BMERB1: variants seen among roughly 807,000 people sequenced by gnomAD.
BMERB1 encodes bMERB domain containing 1.
A neutral mutation model predicts 23.6 loss-of-function variants in BMERB1; 12 were observed. The ratio of observed to expected loss-of-function variants is 0.51; its 90% CI spans 0.33 to 0.82. The LOEUF is 0.82. BMERB1 is among the 40% of genes least tolerant of loss of function. The pLI is 0.03. For missense variants in BMERB1, 247 were observed against 255.4 expected (o/e 0.97, Z 0.22); for synonymous variants, 122 against 96.6 (o/e 1.26, Z -1.54).
At chr16:15,510,662 C>G (rs754659302) in intron 1 of BMERB1, among the ~76,000 whole-genome samples, 18 of 151,976 alleles carry the variant, frequency 1.2e-4, no homozygotes, top group African/African-American at 4.4e-4. Context: ...GGCTGGTCTT[C>G]TAGCTTGGTA....
chr16:15,487,517 A>T (rs2051378464), intron 1 of BMERB1, among the ~76,000 whole-genome samples: 1 of 152,158 alleles, frequency 6.6e-6, no homozygotes, highest in South Asian at 2.1e-4. Context: ...CCAAGAGAGG[A>T]TTCTTAGATA....
intron 1 of BMERB1, among the ~76,000 whole-genome samples, chr16:15,475,580 A>G (rs1295253736): frequency 6.6e-6 from 1 of 151,964 alleles, no homozygotes; most frequent in African/African-American, 2.4e-5. Context: ...TGTCCTGGCA[A>G]TAACATGTGA....
intron 2 of BMERB1, among the ~76,000 whole-genome samples, chr16:15,531,410 G>T (rs1054775904): frequency 6.6e-6 from 1 of 152,104 alleles, no homozygotes; most frequent in African/African-American, 2.4e-5. Flanking sequence ...CCCTTTTGCC[G>T]TGTAAGGTAA....
chr16:15,484,814 C>G (rs953768189), intron 1 of BMERB1, among the ~76,000 whole-genome samples: 3 of 152,206 alleles, frequency 2.0e-5, no homozygotes, highest in African/African-American at 7.2e-5. Context: ...GCAACCATCA[C>G]CTCTAGATGC....
chr16:15,517,882 G>A (rs1019796512), intron 2 of BMERB1, among the ~76,000 whole-genome samples: 1 of 127,884 alleles, frequency 7.8e-6, no homozygotes, highest in African/African-American at 4.6e-5. Context: ...TGGGTGTGTG[G>A]ATGTGTGTGT....
chr16:15,565,069 A>G (rs952598661), intron 2 of BMERB1, among the ~76,000 whole-genome samples: 7 of 151,130 alleles, frequency 4.6e-5, no homozygotes, highest in Non-Finnish European at 8.8e-5. Context: ...AAAAAAAAGC[A>G]CTCAGCCACA....
At position 15,586,778 on chromosome 16, in the gene BMERB1, G is replaced by A; in HGVS notation, c.564G>A (p.Gly188=). ...PPSKPTVAKT[G]LALIKDCCGA... is the part of the protein sequence containing the mutation. ...GCAAGCCCACGGTGGCCAAGACGGG[G>A]CTGGCACTGATCAAGGATTGTTGCG... Residue 188 remains glycine, a synonymous_variant, in exon 6 of 6, where the codon GGG becomes GGA. Transcript: ENST00000300006. The A allele has an allele frequency of 6.2e-7, 1 of 1,612,702 alleles. No individual in the cohort carries two copies. Among genetic ancestry groups the A allele is most frequent in the South Asian group, 1.1e-5 (1 of 90,564 alleles).
At chr16:15,515,057 G>A (rs549937473) in intron 1 of BMERB1, among the ~76,000 whole-genome samples, 16 of 152,336 alleles carry the variant, frequency 1.1e-4, no homozygotes, top group Non-Finnish European at 1.9e-4. Flanking sequence ...ACTCCAGCCT[G>A]GGCGACAGAG....
In BMERB1 at chr16:15,568,067, G is replaced by A. The variant is rs778810754; in HGVS notation, c.304+11G>A. ...TGGTCGCCATCCCAGGTAACCATTT[G>A]CAACTTCACCTTGTGCTAAACAGGT... is the stretch of plus-strand genomic sequence containing the variant. On this transcript the variant is annotated intron_variant, in intron 3 of 5. Transcript: ENST00000300006. The A allele has an allele frequency of 1.2e-5, 20 of 1,613,506 alleles. No homozygotes were observed. The Admixed American group carries it at 3.2e-4, about 26-fold the overall frequency.
intron 3 of BMERB1, among the ~76,000 whole-genome samples, chr16:15,570,733 C>T (rs1341731418): frequency 6.6e-6 from 1 of 150,890 alleles, no homozygotes; most frequent in African/African-American, 2.5e-5. Context: ...ATTGATTGTA[C>T]TTATAGCTAT....
Position 15,532,548 on chromosome 16 carries a change from T to C in BMERB1, c.230+17120T>C, listed in dbSNP as rs539676800. Among the ~76,000 whole-genome samples the C allele has an allele frequency of 1.2e-4, 16 of 134,912 alleles. No individual in the cohort carries two copies. In the South Asian group the frequency reaches 2.2e-3, roughly 19 times the overall value. The allele number at this position is 134,912 out of a possible 152,430, so 88.5% of individuals were successfully genotyped here. A position where few individuals can be genotyped will look rare whatever the true frequency, so the allele number is the denominator to read the frequency against. ...CGGCCTTTTTTTTTTCTTTTTCTTT[T>C]TTTTTTTTTTTTTTTGAGACGGAGT... On this transcript the variant is annotated intron_variant, in intron 2 of 5. Transcript: ENST00000300006.
In BMERB1 at chr16:15,562,722, A is replaced by G. The variant is rs560210067; in HGVS notation, c.231-5261A>G. 3.3e-5 allele frequency among the ~76,000 whole-genome samples: 5 copies of G among 152,304 alleles called. No individual in the cohort carries two copies. In the South Asian group the frequency reaches 8.3e-4, roughly 25 times the overall value. On this transcript the variant is annotated intron_variant, in intron 2 of 5. Transcript: ENST00000300006. ...CATTGCCAAATGTTCCTGGGGACCA[A>G]GATTGCCCTGATGTAGCCTGATCTC...
intron 1 of BMERB1, among the ~76,000 whole-genome samples, chr16:15,501,232 A>T (rs2044931686): frequency 6.6e-6 from 1 of 150,700 alleles, no homozygotes; most frequent in South Asian, 2.1e-4. Context: ...CCCCTGCCTC[A>T]GCCTCCAGAG....
At chr16:15,574,551 T>C (rs1212011163) in intron 3 of BMERB1, among the ~76,000 whole-genome samples, 38 of 152,020 alleles carry the variant, frequency 2.5e-4, no homozygotes, top group Non-Finnish European at 4.4e-5. Flanking sequence ...TCAGATCTCT[T>C]TCACTGTCTC....
At chr16:15,441,675 G>A (rs556271609) in intron 1 of BMERB1, among the ~76,000 whole-genome samples, 2 of 152,200 alleles carry the variant, frequency 1.3e-5, no homozygotes, top group Admixed American at 1.3e-4. Flanking sequence ...ACGATGCCCA[G>A]CAGCCCTGTT....
chr16:15,496,182 G>A (rs1043496461), intron 1 of BMERB1, among the ~76,000 whole-genome samples: 3 of 151,596 alleles, frequency 2.0e-5, no homozygotes, highest in African/African-American at 4.9e-5. Flanking sequence ...GATAATGACA[G>A]TGATGGTGGT....
chr16:15,527,621 A>T (rs991375304), intron 2 of BMERB1, among the ~76,000 whole-genome samples: 1 of 152,184 alleles, frequency 6.6e-6, no homozygotes, highest in Non-Finnish European at 1.5e-5. Context: ...TAAAATAAAA[A>T]AAAAAGAAGT....
intron 1 of BMERB1, among the ~76,000 whole-genome samples, chr16:15,480,010 A>G (rs1021405059): frequency 6.8e-6 from 1 of 147,190 alleles, no homozygotes; most frequent in South Asian, 2.1e-4. Context: ...ATATATATAT[A>G]TAATATATAT....
chr16:15,439,714 A>G (rs1203094691), intron 1 of BMERB1, among the ~76,000 whole-genome samples: 3 of 152,158 alleles, frequency 2.0e-5, no homozygotes, highest in Admixed American at 6.5e-5. Context: ...GAAAATGTAT[A>G]GTGACATTTC....
Sources: allele counts gnomAD v4.1 joint callset (sites outside exome capture counted in the v4.1 genomes callset), GRCh38; gene constraint gnomAD v4.1.1; transcripts MANE v1.5; gene names NCBI Gene and HGNC (gene_info 2026-07-23, HGNC 2026-07-21).